ADAMTSL3: variants seen among roughly 807,000 people sequenced by gnomAD.
ADAMTSL3 encodes ADAMTS like 3, also known as ADAMTS-like protein 3.
In ADAMTSL3, 128 loss-of-function variants were observed where a neutral mutation model predicts 201.7. The ratio of observed to expected loss-of-function variants is 0.63; its 90% CI spans 0.55 to 0.73. The LOEUF (loss-of-function observed/expected upper bound fraction) is 0.73, where lower values mean the gene tolerates loss of function less well. ADAMTSL3 is among the 30% of genes least tolerant of loss of function. ADAMTSL3 has a pLI of 0.00. For synonymous variants in ADAMTSL3, 738 were observed against 748.4 expected (o/e 0.99, Z 0.23); for missense variants, 1,990 against 2,119.6 (o/e 0.94, Z 1.20).
At chr15:84,017,267 G>A (rs1391664738) in intron 25 of ADAMTSL3, among the ~76,000 whole-genome samples, 5 of 152,030 alleles carry the variant, frequency 3.3e-5, no homozygotes, top group South Asian at 2.1e-4. Flanking sequence ...ACAGCCACCC[G>A]CCACCACGCC....
chr15:83,961,875 C>T (rs1470931895), intron 19 of ADAMTSL3: 2 of 152,110 alleles, frequency 1.3e-5, no homozygotes, highest in Non-Finnish European at 2.9e-5. Context: ...TAGAACATAA[C>T]ATAAATATCA....
intron 4 of ADAMTSL3, among the ~76,000 whole-genome samples, chr15:83,773,961 G>A (rs555305326): frequency 6.6e-6 from 1 of 152,232 alleles, no homozygotes; most frequent in African/African-American, 2.4e-5. Context: ...AGTCTTCTGA[G>A]TTCTGCCCTT....
intron 15 of ADAMTSL3, among the ~76,000 whole-genome samples, chr15:83,902,144 C>T (rs557544484): frequency 6.6e-6 from 1 of 152,166 alleles, no homozygotes; most frequent in Non-Finnish European, 1.5e-5. Context: ...CATCCTTGTA[C>T]AGGTCCTGAA....
chr15:83,983,552 G>A (rs541920967), intron 21 of ADAMTSL3, among the ~76,000 whole-genome samples: 1 of 152,138 alleles, frequency 6.6e-6, no homozygotes, highest in Non-Finnish European at 1.5e-5. Context: ...AATCACTGTC[G>A]TAGAGGTGTG....
At chr15:84,037,632 A>C in intron 29 of ADAMTSL3, 68 bp from the exon 30 acceptor site, 1 of 1,475,866 alleles carries the variant, frequency 6.8e-7, no homozygotes, top group East Asian at 2.3e-5. Flanking sequence ...GCTTTTCATA[A>C]AGTCAAATAA....
intron 6 of ADAMTSL3, among the ~76,000 whole-genome samples, chr15:83,830,145 G>T (rs181026211): frequency 1.3e-5 from 2 of 152,282 alleles, no homozygotes; most frequent in East Asian, 1.9e-4. Context: ...AAAATATTGG[G>T]TGAGAACAGG....
intron 4 of ADAMTSL3, among the ~76,000 whole-genome samples, chr15:83,792,590 C>T (rs1318287654): frequency 6.6e-6 from 1 of 152,112 alleles, no homozygotes; most frequent in Non-Finnish European, 1.5e-5. Flanking sequence ...TAGAGACCAG[C>T]CTGGCCAACA....
intron 20 of ADAMTSL3, among the ~76,000 whole-genome samples, chr15:83,975,872 T>C (rs528073358): frequency 1.3e-5 from 2 of 152,332 alleles, no homozygotes; most frequent in African/African-American, 2.4e-5. Flanking sequence ...GTTAAAATTG[T>C]ATCCAAGAAG....
chr15:83,772,143 C>G (rs905220893), intron 3 of ADAMTSL3, among the ~76,000 whole-genome samples: 2 of 152,152 alleles, frequency 1.3e-5, no homozygotes, highest in African/African-American at 4.8e-5. Flanking sequence ...CATGAGCCAC[C>G]ACGCCCGGCC....
rs1385942394 is a variant in ADAMTSL3, at chr15:83,886,792, TGCAG to T, written c.1072+1585_1072+1588del. Among the ~76,000 whole-genome samples the T allele has an allele frequency of 1.6e-4, 24 of 152,210 alleles. 1 individual carries two copies. The highest frequency in any genetic ancestry group is 3.5e-4 in the Non-Finnish European group (24 of 68,032). On this transcript the variant is annotated intron_variant, in intron 10 of 29. Coordinates refer to ENST00000286744, the MANE Select transcript of ADAMTSL3 (RefSeq NM_207517.3). ...TCAGTCAGTGAATATGCTGTGAATATGCAGGCAGATGTCTCTCTTCTGGAATTTA... is the reference window on the plus strand; with the variant it reads ...TCAGTCAGTGAATATGCTGTGAATATGCAGATGTCTCTCTTCTGGAATTTA...
intron 8 of ADAMTSL3, chr15:83,862,608 T>A (rs548581066): frequency 1.3e-4 from 20 of 152,036 alleles, no homozygotes; most frequent in Admixed American, 1.3e-4. Flanking sequence ...CTAAAAGAGC[T>A]CCTGAAGGAA....
chr15:83,660,127 C>T (rs74024528), intron 2 of ADAMTSL3, among the ~76,000 whole-genome samples: 3,382 of 152,212 alleles, frequency 0.022, 114 homozygotes, highest in African/African-American at 0.071. Context: ...TCTCCACCTC[C>T]GGTAACCCAG....
At chr15:83,971,035 TA>T (rs2067185896) in intron 20 of ADAMTSL3, among the ~76,000 whole-genome samples, 2 of 152,238 alleles carry the variant, frequency 1.3e-5, no homozygotes, top group African/African-American at 2.4e-5. Flanking sequence ...AGCATTCAAG[TA>T]TTTTTTCTTG....
intron 2 of ADAMTSL3, among the ~76,000 whole-genome samples, chr15:83,697,215 T>G (rs1467246012): frequency 6.6e-6 from 1 of 152,180 alleles, no homozygotes; most frequent in Non-Finnish European, 1.5e-5. Context: ...TCTCTTCCCA[T>G]TACATCAATC....
chr15:83,891,585 G>A (rs190415942), intron 12 of ADAMTSL3, among the ~76,000 whole-genome samples: 1 of 152,264 alleles, frequency 6.6e-6, no homozygotes, highest in East Asian at 1.9e-4. Context: ...GTTTCCCATC[G>A]CTAGAGCTGT....
At chr15:83,761,570 G>A (rs2062809113) in intron 3 of ADAMTSL3, among the ~76,000 whole-genome samples, 1 of 152,128 alleles carries the variant, frequency 6.6e-6, no homozygotes, top group Non-Finnish European at 1.5e-5. Flanking sequence ...TCAATGGCAT[G>A]GTTGATCTGT....
chr15:83,990,578 C>T (rs1312057435), intron 22 of ADAMTSL3, among the ~76,000 whole-genome samples: 1 of 152,116 alleles, frequency 6.6e-6, no homozygotes, highest in African/African-American at 2.4e-5. Flanking sequence ...TGGATCAGGA[C>T]CTTCTGTCCT....
chr15:83,960,823 C>G (rs918211995), intron 19 of ADAMTSL3, among the ~76,000 whole-genome samples: 1 of 152,114 alleles, frequency 6.6e-6, no homozygotes, highest in Non-Finnish European at 1.5e-5. Context: ...TTCTCCCACC[C>G]GTGTTACTCA....
intron 3 of ADAMTSL3, among the ~76,000 whole-genome samples, chr15:83,744,387 C>A (rs2062509731): frequency 6.6e-6 from 1 of 152,128 alleles, no homozygotes; most frequent in Admixed American, 6.5e-5. Context: ...TTTTCTATCT[C>A]CATTAGCTAA....
Sources: allele counts gnomAD v4.1 joint callset (sites outside exome capture counted in the v4.1 genomes callset), GRCh38; gene constraint gnomAD v4.1.1; transcripts MANE v1.5; gene names NCBI Gene and HGNC (gene_info 2026-07-23, HGNC 2026-07-21).